The following HIVEP2 variants were observed in gnomAD, a reference collection of about 807,000 sequenced individuals.
The protein encoded by HIVEP2 is transcription factor HIVEP2.
HIVEP2 carries 14 observed loss-of-function variants against 180.7 expected under a neutral mutation model. The ratio of observed to expected loss-of-function variants is 0.08; its 90% CI spans 0.05 to 0.12. The LOEUF is 0.12. HIVEP2 is among the 10% of genes least tolerant of loss of function. The pLI is 1.00. For missense variants in HIVEP2, 2,579 were observed against 3,008.5 expected (o/e 0.86, Z 3.34); for synonymous variants, 1,184 against 1,136.4 (o/e 1.04, Z -0.84).
chr6:142,831,265 C>T (rs1433043932), intron 2 of HIVEP2, among the ~76,000 whole-genome samples: 2 of 152,196 alleles, frequency 1.3e-5, no homozygotes, highest in Non-Finnish European at 2.9e-5. Context: ...ATTCGAGTCT[C>T]CACTGAGGTC....
rs777912873 is a variant in HIVEP2, at chr6:142,796,202, G to A, written c.-527-12587C>T. On this transcript the variant is annotated intron_variant, in intron 2 of 9. Coordinates refer to ENST00000367603, the MANE Select transcript of HIVEP2 (RefSeq NM_006734.4). The stretch of plus-strand genomic sequence containing the variant: ...CTGCTTCACTGAGGGCTCTGAGTAC[G>A]TCCTATCAGCATAGTAAACAGTCAG... Among the ~76,000 whole-genome samples, 8 of 152,086 alleles carry A rather than the reference G, an allele frequency of 5.3e-5. No individual in the cohort carries two copies. In the South Asian group the frequency reaches 8.3e-4, roughly 16 times the overall value.
At chr6:142,768,174 A>AT (rs902417669) in intron 6 of HIVEP2, among the ~76,000 whole-genome samples, 18 of 152,330 alleles carry the variant, frequency 1.2e-4, no homozygotes, top group African/African-American at 4.3e-4. Context: ...AATGATATCC[A>AT]TTAGGGACAT....
intron 1 of HIVEP2, among the ~76,000 whole-genome samples, chr6:142,899,792 C>T (rs1777087298): frequency 6.6e-6 from 1 of 152,202 alleles, no homozygotes; most frequent in South Asian, 2.1e-4. Flanking sequence ...ACCACCACCG[C>T]AGCCATCTCT....
Position 142,752,375 on chromosome 6 carries a change from C to T in HIVEP2, c.*732G>A, listed in dbSNP as rs1475129968. On this transcript the variant is annotated 3_prime_UTR_variant, in exon 10 of 10. Coordinates refer to ENST00000367603, the MANE Select transcript of HIVEP2 (RefSeq NM_006734.4). The stretch of plus-strand genomic sequence containing the variant: ...GGTACTATCATTTTAAAATCACAAT[C>T]AGCACTTAAGTTATAGTCAATCCAG... 1 of 152,550 alleles carries T rather than the reference C, an allele frequency of 6.6e-6. No homozygotes were observed. The highest frequency in any genetic ancestry group is 2.1e-4 in the South Asian group (1 of 4,832). 9.4% of individuals were successfully genotyped at this position (152,550 alleles called of 1,614,324 possible). A position where few individuals can be genotyped will look rare whatever the true frequency, so the allele number is the denominator to read the frequency against.
intron 2 of HIVEP2, chr6:142,788,516 C>T (rs190870422): frequency 6.6e-6 from 1 of 152,182 alleles, no homozygotes; most frequent in Non-Finnish European, 1.5e-5. Flanking sequence ...ACTTCAAGAC[C>T]AGCCTAGCCA....
intron 2 of HIVEP2, among the ~76,000 whole-genome samples, chr6:142,793,622 C>CTCTTTCTT (rs753217978): frequency 1.1e-3 from 57 of 50,350 alleles, no homozygotes; most frequent in African/African-American, 3.1e-3. Context: ...ATCCTTCCTT[C>CTCTTTCTT]TCTTTCTTTC....
At chr6:142,872,609 C>G (rs1396937496) in intron 1 of HIVEP2, among the ~76,000 whole-genome samples, 1 of 152,124 alleles carries the variant, frequency 6.6e-6, no homozygotes, top group African/African-American at 2.4e-5. Flanking sequence ...ACCATGCAGT[C>G]ACAGAGTCCA....
Position 142,772,099 on chromosome 6 carries a change from T to A in HIVEP2, c.2640A>T (p.Leu880=), listed in dbSNP as rs1361306863. The A allele has an allele frequency of 2.5e-6, 4 of 1,614,216 alleles. No homozygotes were observed. Among genetic ancestry groups the A allele is most frequent in the East Asian group, 4.5e-5 (2 of 44,886 alleles). Residue 880 remains leucine (L), a synonymous_variant, in exon 5 of 10, where the codon CTA becomes CTT. Transcript: ENST00000367603. The surrounding 1 kb of genome is among the most constrained non-coding windows in gnomAD (Gnocchi z 4.9). ...GAACCTGGATGTTGTGTTGCCGAAC[T>A]AGCCTGGGCTGTGTGTGATAGGACT... ...QQQSYHTQPR[L]VRQHNIQVPE...
chr6:142,931,874 C>T (rs1223361893), intron 1 of HIVEP2, among the ~76,000 whole-genome samples: 1 of 152,100 alleles, frequency 6.6e-6, no homozygotes, highest in East Asian at 1.9e-4. Context: ...AATATGAGTC[C>T]TTAGACCATA....
chr6:142,762,473 C>CAT (rs1393770533), intron 7 of HIVEP2, among the ~76,000 whole-genome samples: 4 of 146,846 alleles, frequency 2.7e-5, no homozygotes, highest in Non-Finnish European at 6.1e-5. Context: ...CACACACACA[C>CAT]ACACACACAC....
rs577180280 is a variant in HIVEP2 at position 142,885,851 on chromosome 6, C to T, written c.-640-48804G>A. 8.7e-4 allele frequency among the ~76,000 whole-genome samples: 133 copies of T among 152,238 alleles called. 1 individual carries two copies. The highest frequency in any genetic ancestry group is 2.6e-3 in the African/African-American group (109 of 41,548). ...TACCACCAACTATCTTATAAAATGC[C>T]GCCTAATCTTCTATTTTATTCACTT... is the stretch of plus-strand genomic sequence containing the variant. On this transcript the variant is annotated intron_variant, in intron 1 of 9. Transcript: ENST00000367603.
At chr6:142,831,386 T>A (rs1322627743) in intron 2 of HIVEP2, among the ~76,000 whole-genome samples, 1 of 152,200 alleles carries the variant, frequency 6.6e-6, no homozygotes, top group East Asian at 1.9e-4. Context: ...GTGGCTTCTA[T>A]GCTTGCAGTG....
At chr6:142,857,806 CG>C (rs1775862460) in intron 1 of HIVEP2, among the ~76,000 whole-genome samples, 1 of 152,180 alleles carries the variant, frequency 6.6e-6, no homozygotes, top group East Asian at 1.9e-4. Flanking sequence ...TCTTTCCACA[CG>C]GGGACTCCCC....
At chr6:142,817,276 T>G (rs1283589048) in intron 2 of HIVEP2, among the ~76,000 whole-genome samples, 3 of 152,224 alleles carry the variant, frequency 2.0e-5, no homozygotes, top group Non-Finnish European at 4.4e-5. Context: ...CTTAGAATAC[T>G]CTATGGTTGT....
chr6:142,761,414 T>C, intron 8 of HIVEP2, 50 bp downstream of exon 8: 1 of 885,198 alleles, frequency 1.1e-6, no homozygotes, highest in Non-Finnish European at 1.9e-6. Context: ...GCCACAGAGC[T>C]CCACTGTGCA....
chr6:142,863,002 ATATAT>A (rs1248708470), intron 1 of HIVEP2, among the ~76,000 whole-genome samples: 5 of 141,848 alleles, frequency 3.5e-5, no homozygotes, highest in East Asian at 2.0e-4. Flanking sequence ...ATATAATTAC[ATATAT>A]TATATATTAC....
chr6:142,894,021 A>G (rs1012442066), intron 1 of HIVEP2, among the ~76,000 whole-genome samples: 1 of 152,222 alleles, frequency 6.6e-6, no homozygotes, highest in African/African-American at 2.4e-5. Context: ...TCACTTAATC[A>G]TCCTAACAAC....
rs1452228611 is a variant in HIVEP2, at chr6:142,772,242, G to A, written c.2497C>T (p.Pro833Ser). ...VACTQDKAPS[P>S]SETCDSEISE... ...ATCTCACTGTCACAAGTCTCTGAAG[G>A]GGAAGGGGCTTTATCCTGTGTGCAA... Residue 833 changes from proline to serine, a missense_variant, in exon 5 of 10, where the codon CCT (proline) becomes TCT (serine). Coordinates refer to ENST00000367603, the MANE Select transcript of HIVEP2 (RefSeq NM_006734.4). This position sits in a 1 kb window ranked among gnomAD's most constrained non-coding sequence, Gnocchi z 4.9. The A allele has an allele frequency of 6.2e-7, 1 of 1,614,182 alleles. No individual in the cohort carries two copies. The highest frequency in any genetic ancestry group is 8.5e-7 in the Non-Finnish European group (1 of 1,180,044).
intron 1 of HIVEP2, among the ~76,000 whole-genome samples, chr6:142,863,379 G>A (rs1391773688): frequency 6.6e-6 from 1 of 151,642 alleles, no homozygotes; most frequent in African/African-American, 2.4e-5. Context: ...CATTAAGACT[G>A]TTTTTATTTC....
Sources: gnomAD v4.1 joint callset for allele counts (sites outside exome capture counted in the v4.1 genomes callset) on GRCh38, gnomAD v4.1.1 for gene constraint, Gnocchi (gnomAD v3.1) non-coding constraint, MANE v1.5 for transcripts, NCBI Gene and HGNC (gene_info 2026-07-23, HGNC 2026-07-21) for gene names.